NAPEPLD: variants seen among roughly 807,000 people sequenced by gnomAD.
NAPEPLD encodes the protein N-acyl-phosphatidylethanolamine-hydrolyzing phospholipase D.
Under a neutral mutation model 38.1 loss-of-function variants are expected in NAPEPLD, and 23 were observed. The observed-to-expected ratio is 0.60, with a 90% CI of 0.43 to 0.86. The LOEUF is 0.86. Among genes scored for constraint, NAPEPLD ranks in the 40% least tolerant of loss-of-function variants. The pLI is 0.00. For synonymous variants in NAPEPLD, 147 were observed against 162.0 expected (o/e 0.91, Z 0.71); for missense variants, 411 against 476.8 (o/e 0.86, Z 1.28).
At chr7:103,141,708 T>C in intron 1 of NAPEPLD, 1 of 875,050 alleles carries the variant, frequency 1.1e-6, no homozygotes, top group Non-Finnish European at 2.0e-6. Context: ...CGCTTACCTA[T>C]GCCCATATGC....
chr7:103,132,690 TG>T lies in NAPEPLD; in HGVS notation c.-16-3899del, dbSNP rs1809194525. Among the ~76,000 whole-genome samples the T allele has an allele frequency of 2.0e-5, 3 of 152,252 alleles. No homozygotes were observed. The South Asian group carries it at 6.2e-4, about 32-fold the overall frequency. On this transcript the variant is annotated intron_variant, in intron 1 of 4. Coordinates refer to ENST00000465647, the MANE Select transcript of NAPEPLD (RefSeq NM_001122838.3). ...GTTGCAGGCCTGTAGTCCCAGCTAC[TG>T]GGAGGATCCCTTGAGCCCAGGAAGT...
At chr7:103,120,248 A>G (rs757809599) in intron 2 of NAPEPLD, 25 bp from the exon 3 acceptor site, 2 of 1,583,134 alleles carry the variant, frequency 1.3e-6, no homozygotes, top group Non-Finnish European at 1.7e-6. Context: ...AAAGCAAGAC[A>G]AAAGAGTAGT....
At chr7:103,118,141 T>TC (rs1805929305) in intron 3 of NAPEPLD, among the ~76,000 whole-genome samples, 1 of 152,108 alleles carries the variant, frequency 6.6e-6, no homozygotes, top group Admixed American at 6.6e-5. Flanking sequence ...TGAGCCGAGA[T>TC]CGTGCCACTG....
chr7:103,128,403 TATGATATACA>T (rs1179403789), intron 2 of NAPEPLD, 70 bp downstream of exon 2: 1 of 1,504,110 alleles, frequency 6.6e-7, no homozygotes. Context: ...TTCTATGCCT[TATGATATACA>T]AGGGCTCAAA....
At chr7:103,111,936 G>T (rs1241901516) in intron 4 of NAPEPLD, among the ~76,000 whole-genome samples, 1 of 152,030 alleles carries the variant, frequency 6.6e-6, no homozygotes, top group Non-Finnish European at 1.5e-5. Context: ...ATCAAAAAGT[G>T]GGCAAAGGAT....
At chr7:103,123,260 A>G (rs1396547772) in intron 2 of NAPEPLD, among the ~76,000 whole-genome samples, 1 of 152,208 alleles carries the variant, frequency 6.6e-6, no homozygotes, top group Non-Finnish European at 1.5e-5. Flanking sequence ...AATTTGTCCC[A>G]TGTCTTATGA....
rs1802449919 is a variant in NAPEPLD, at chr7:103,101,870, G to A, written c.*1559C>T. Reference sequence around the variant, plus strand: ...TTTGATTATTTTGTATGAATAAAGTGCTGAGACTGGATTAGGAATACAGAA... The same window carrying A: ...TTTGATTATTTTGTATGAATAAAGTACTGAGACTGGATTAGGAATACAGAA... On this transcript the variant is annotated 3_prime_UTR_variant, in exon 5 of 5. Transcript: ENST00000465647. The A allele has an allele frequency of 6.6e-6, 1 of 152,174 alleles. No individual in the cohort carries two copies. Among genetic ancestry groups the A allele is most frequent in the Non-Finnish European group, 1.5e-5 (1 of 68,030 alleles). The allele number at this position is 152,174 out of a possible 1,614,324, so 9.4% of individuals were successfully genotyped here.
chr7:103,137,399 G>C (rs1452609390), intron 1 of NAPEPLD, among the ~76,000 whole-genome samples: 1 of 152,036 alleles, frequency 6.6e-6, no homozygotes, highest in South Asian at 2.1e-4. Flanking sequence ...GCTTTCATTA[G>C]AATCAAAAAG....
chr7:103,145,702 G>T (rs1812396296), intron 1 of NAPEPLD, among the ~76,000 whole-genome samples: 1 of 152,160 alleles, frequency 6.6e-6, no homozygotes, highest in African/African-American at 2.4e-5. Flanking sequence ...TCAGGCCAGA[G>T]AGTTACATGA....
At chr7:103,109,334 T>C (rs1228903223) in intron 4 of NAPEPLD, among the ~76,000 whole-genome samples, 1 of 152,126 alleles carries the variant, frequency 6.6e-6, no homozygotes. Flanking sequence ...CACCACATAA[T>C]TGGAAGTAAA....
At position 103,119,636 on chromosome 7, in the gene NAPEPLD, T is replaced by C. The variant is rs1480062787; in HGVS notation, c.882A>G (p.Ile294Met). The change falls in exon 3 of 5, where the codon ATA becomes ATG. Residue 294 changes from isoleucine to methionine, a missense_variant. Physicochemically the swap from Ile to Met is conservative, Grantham distance 10 (BLOSUM62 1). Coordinates refer to ENST00000465647, the MANE Select transcript of NAPEPLD (RefSeq NM_001122838.3). ...GGTCAAAAGGTCCAAATCTTTTTCC[T>C]ATCTCTTCAAAAGCAGGGCAATAAC... is the stretch of plus-strand genomic sequence containing the variant. ...DTGYCPAFEEIGKRFGPFDLA... is the reference protein window; with the variant it reads ...DTGYCPAFEEMGKRFGPFDLA... 2 of 1,614,088 alleles carry C rather than the reference T, an allele frequency of 1.2e-6. No individual in the cohort carries two copies. The highest frequency in any genetic ancestry group is 2.2e-5 in the East Asian group (1 of 44,896).
At chr7:103,143,412 T>C (rs936129601) in intron 1 of NAPEPLD, among the ~76,000 whole-genome samples, 3 of 152,286 alleles carry the variant, frequency 2.0e-5, no homozygotes, top group East Asian at 1.9e-4. Context: ...CCTTTTCTTC[T>C]CAGTAACAGA....
chr7:103,137,942 C>T (rs1470713266), intron 1 of NAPEPLD, among the ~76,000 whole-genome samples: 3 of 150,898 alleles, frequency 2.0e-5, no homozygotes, highest in South Asian at 2.1e-4. Context: ...ACTTGAAATG[C>T]GTCCTAAATA....
intron 1 of NAPEPLD, among the ~76,000 whole-genome samples, chr7:103,140,387 C>CTTTTTT (rs377763676): frequency 1.1e-5 from 1 of 92,622 alleles, no homozygotes; most frequent in Non-Finnish European, 1.9e-5. Flanking sequence ...TCACAGAACT[C>CTTTTTT]TTTTTTTTTT....
intron 4 of NAPEPLD, among the ~76,000 whole-genome samples, chr7:103,113,049 T>C (rs1804845693): frequency 1.3e-5 from 2 of 152,234 alleles, no homozygotes; most frequent in African/African-American, 4.8e-5. Context: ...TAACCAGCTA[T>C]TGAAGCTAAA....
In NAPEPLD at chr7:103,103,344, A is replaced by C; in HGVS notation, c.*85T>G. On this transcript the variant is annotated 3_prime_UTR_variant, in exon 5 of 5. Coordinates refer to ENST00000465647, the MANE Select transcript of NAPEPLD (RefSeq NM_001122838.3). ...TTGTTTCCAAATGTAAAATAATCAC[A>C]ATATTCATGAATTTCTAAGTCTTTT... 1.4e-6 allele frequency: 2 copies of C among 1,391,054 alleles called. No individual in the cohort carries two copies. The highest frequency in any genetic ancestry group is 3.0e-5 in the South Asian group (2 of 66,778). The allele number at this position is 1,391,054 out of a possible 1,614,324, so 86.2% of individuals were successfully genotyped here.
rs1012475638 is a variant in NAPEPLD at position 103,115,415 on chromosome 7, C to A, written c.942-241G>T. 4 of 365,106 alleles carry A rather than the reference C, an allele frequency of 1.1e-5. No individual in the cohort carries two copies. The Admixed American group carries it at 1.3e-4, about 12-fold the overall frequency. 22.6% of individuals were successfully genotyped at this position (365,106 alleles called of 1,614,324 possible). On this transcript the variant is annotated intron_variant, in intron 3 of 4. Coordinates refer to ENST00000465647, the MANE Select transcript of NAPEPLD (RefSeq NM_001122838.3). ...TGCACAGGAATTAAGTCACAGGAGG[C>A]AAAACCATCTCCCTTTGGTACACTT... is the stretch of plus-strand genomic sequence containing the variant.
intron 1 of NAPEPLD, among the ~76,000 whole-genome samples, chr7:103,141,070 T>G (rs1585898481): frequency 6.6e-6 from 1 of 152,204 alleles, no homozygotes; most frequent in Admixed American, 6.5e-5. Context: ...TACTATCATA[T>G]TGTTCCCCCC....
chr7:103,140,583 C>T (rs780557730), intron 1 of NAPEPLD, among the ~76,000 whole-genome samples: 3 of 151,676 alleles, frequency 2.0e-5, no homozygotes, highest in Admixed American at 6.6e-5. Flanking sequence ...TTAGTAGAGA[C>T]GGGGTTTCAC....
Sources: gnomAD v4.1 joint callset for allele counts (sites outside exome capture counted in the v4.1 genomes callset) on GRCh38, gnomAD v4.1.1 for gene constraint, MANE v1.5 for transcripts, NCBI Gene and HGNC (gene_info 2026-07-23, HGNC 2026-07-21) for gene names.